Variants in AFF2 observed in about 807,000 individuals in gnomAD.
AFF2 encodes ALF transcription elongation factor 2.
A neutral mutation model predicts 76.9 loss-of-function variants in AFF2; 14 were observed. The ratio of observed to expected loss-of-function variants is 0.18; its 90% CI spans 0.12 to 0.28. The LOEUF is 0.28. AFF2 is among the 10% of genes least tolerant of loss of function. The probability of loss-of-function intolerance (pLI) is 1.00; values close to 1 mark genes in which losing one functional copy is unlikely to be tolerated. For synonymous variants in AFF2, 398 were observed against 366.7 expected, an observed-to-expected ratio of 1.09 and a Z score of -0.98; for missense variants, 868 against 1,001.1, an observed-to-expected ratio of 0.87 and a Z score of 1.79.
intron 1 of AFF2, among the ~76,000 whole-genome samples, chrX:148,636,941 A>C (rs372918169): frequency 7.1e-5 from 8 of 112,159 alleles, no homozygotes; most frequent in African/African-American, 2.6e-4. Flanking sequence ...TTCATCTTGT[A>C]AAAGGCAATT....
At chrX:148,558,459 C>G (rs782349830) in intron 1 of AFF2, among the ~76,000 whole-genome samples, 1 of 111,417 alleles carries the variant, frequency 9.0e-6, no homozygotes, top group Non-Finnish European at 1.9e-5. Flanking sequence ...CTATTCGCAG[C>G]TAGTTCTGTC....
At chrX:148,789,352 C>G (rs1290217116) in intron 3 of AFF2, among the ~76,000 whole-genome samples, 1 of 111,535 alleles carries the variant, frequency 9.0e-6, no homozygotes, top group Non-Finnish European at 1.9e-5. Context: ...AATCTATGTC[C>G]CCTGAATTTG....
chrX:148,797,581 T>C (rs1210091943), intron 3 of AFF2, among the ~76,000 whole-genome samples: 2 of 112,289 alleles, frequency 1.8e-5, no homozygotes, highest in African/African-American at 6.5e-5. Context: ...CTATCTGAAT[T>C]TTTTCTCTTA....
chrX:148,959,075 C>G (rs1371067249), intron 12 of AFF2, among the ~76,000 whole-genome samples: 1 of 109,619 alleles, frequency 9.1e-6, no homozygotes, highest in East Asian at 2.9e-4. Flanking sequence ...CAGCTCATCT[C>G]TCTGGCCTCC....
chrX:148,782,654 GA>G (rs1442428620), intron 3 of AFF2, among the ~76,000 whole-genome samples: 5 of 111,597 alleles, frequency 4.5e-5, no homozygotes, highest in Admixed American at 3.8e-4. Context: ...GCATTTTAGT[GA>G]GCTTATTATC....
intron 7 of AFF2, among the ~76,000 whole-genome samples, chrX:148,852,606 ACAAT>A (rs2070744444): frequency 9.0e-6 from 1 of 111,463 alleles, no homozygotes; most frequent in African/African-American, 3.3e-5. Flanking sequence ...AACGAAGAAA[ACAAT>A]CTGGATGTGA....
intron 3 of AFF2, among the ~76,000 whole-genome samples, chrX:148,771,824 C>G (rs1221420780): frequency 9.0e-6 from 1 of 111,567 alleles, no homozygotes; most frequent in Non-Finnish European, 1.9e-5. Context: ...CCTGTTATGT[C>G]AGATTTTGCA....
At chrX:148,800,721 C>T (rs2070046605) in intron 3 of AFF2, among the ~76,000 whole-genome samples, 1 of 110,475 alleles carries the variant, frequency 9.1e-6, no homozygotes, top group Non-Finnish European at 1.9e-5. Context: ...TTTTTTTTTC[C>T]CATGAGGAAG....
At chrX:148,824,558 A>T (rs782779267) in intron 4 of AFF2, among the ~76,000 whole-genome samples, 3 of 111,913 alleles carry the variant, frequency 2.7e-5, no homozygotes, top group Non-Finnish European at 5.6e-5. Flanking sequence ...TTTGTCAGTT[A>T]TACCTCCATA....
chrX:148,854,222 G>A (rs1201820051), intron 7 of AFF2, among the ~76,000 whole-genome samples: 6 of 111,907 alleles, frequency 5.4e-5, no homozygotes, highest in African/African-American at 9.7e-5. Flanking sequence ...AATTGTCAGC[G>A]ACAGCCTCTT....
At chrX:148,893,725 A>G (rs2071249823) in intron 8 of AFF2, among the ~76,000 whole-genome samples, 1 of 112,018 alleles carries the variant, frequency 8.9e-6, no homozygotes, top group Non-Finnish European at 1.9e-5. Context: ...CATATGTGAC[A>G]GGGATGACCA....
At chrX:148,858,478 C>T (rs1263283081) in intron 7 of AFF2, among the ~76,000 whole-genome samples, 1 of 111,543 alleles carries the variant, frequency 9.0e-6, no homozygotes, top group Admixed American at 9.6e-5. Flanking sequence ...ATAGTAAGCT[C>T]ATCTCATGCA....
intron 3 of AFF2, among the ~76,000 whole-genome samples, chrX:148,774,651 C>A (rs1210450967): frequency 9.0e-6 from 1 of 111,621 alleles, no homozygotes; most frequent in Admixed American, 9.6e-5. Flanking sequence ...GCAACCTGTG[C>A]AATTCTTCCA....
chrX:148,601,660 A>G (rs1286942990), intron 1 of AFF2, among the ~76,000 whole-genome samples: 1 of 111,195 alleles, frequency 9.0e-6, no homozygotes, highest in Non-Finnish European at 1.9e-5. Flanking sequence ...TTAAGGTTAT[A>G]TCTTTAGTAC....
chrX:148,822,706 T>G (rs1445512001), intron 4 of AFF2, among the ~76,000 whole-genome samples: 1 of 19,235 alleles, frequency 5.2e-5, no homozygotes, highest in African/African-American at 6.0e-5. Flanking sequence ...TCCTCCAGGG[T>G]GTGTGTGTGT....
chrX:148,945,007 G>A (rs2071883845), intron 9 of AFF2, among the ~76,000 whole-genome samples: 1 of 111,174 alleles, frequency 9.0e-6, no homozygotes, highest in Non-Finnish European at 1.9e-5. Context: ...AAACTGCAGG[G>A]AAGGTGCTCA....
intron 19 of AFF2, among the ~76,000 whole-genome samples, chrX:148,985,277 T>C (rs1321398589): frequency 1.1e-5 from 1 of 91,872 alleles, no homozygotes; most frequent in East Asian, 3.9e-4. Context: ...TGAGCCCCTG[T>C]GCCTGGCCTT....
At chrX:148,543,279 T>C (rs782679499) in intron 1 of AFF2, among the ~76,000 whole-genome samples, 23 of 112,031 alleles carry the variant, frequency 2.1e-4, no homozygotes, top group Non-Finnish European at 3.8e-4. Context: ...CTGATAGGCT[T>C]GGTTCATTGA....
intron 4 of AFF2, among the ~76,000 whole-genome samples, chrX:148,833,986 T>G (rs2070488698): frequency 8.9e-6 from 1 of 112,155 alleles, no homozygotes; most frequent in Non-Finnish European, 1.9e-5. Flanking sequence ...CTTTCGTGTC[T>G]AAATTGGGCA....
Sources: allele counts gnomAD v4.1 joint callset (sites outside exome capture counted in the v4.1 genomes callset), GRCh38; gene constraint gnomAD v4.1.1; transcripts MANE v1.5; gene names NCBI Gene and HGNC (gene_info 2026-07-23, HGNC 2026-07-21).